The following ZP3 variants were observed in gnomAD, a reference collection of about 807,000 sequenced individuals.
The protein encoded by ZP3 is zona pellucida glycoprotein 3.
ZP3 carries 21 observed loss-of-function variants against 35.6 expected under a neutral mutation model. The ratio of observed to expected loss-of-function variants is 0.59; its 90% CI spans 0.42 to 0.85. The LOEUF (loss-of-function observed/expected upper bound fraction) is 0.85, where lower values mean the gene tolerates loss of function less well. Ranked by LOEUF, ZP3 falls within the 40% of genes least tolerant of loss-of-function variation. The pLI is 0.00. For synonymous variants in ZP3, 207 were observed against 214.5 expected, an observed-to-expected ratio of 0.96 and a Z score of 0.31; for missense variants, 437 against 536.5, an observed-to-expected ratio of 0.81 and a Z score of 1.83.
intron 1 of ZP3, chr7:76,429,097 G>A (rs774629721): frequency 3.2e-5 from 7 of 217,368 alleles, no homozygotes; most frequent in Non-Finnish European, 5.6e-5. Context: ...TGGAGGGGGA[G>A]TGTCAGAAGG....
chr7:76,432,970 C>A lies in ZP3; in HGVS notation c.475C>A (p.Pro159Thr). The stretch of plus-strand genomic sequence containing the variant: ...CCAGGCCATCCTGCCCACCTGGTTG[C>A]CCTTCAGGACCACGGTGTTCTCAGA... ...SSQAILPTWLPFRTTVFSEEK... is the reference protein window; with the variant it reads ...SSQAILPTWLTFRTTVFSEEK... The change falls in exon 3 of 8, where the codon CCC (proline) becomes ACC (threonine). Residue 159 changes from proline to threonine, a missense_variant. By Grantham distance (38) the Pro-to-Thr change is conservative (BLOSUM62 -1). Coordinates refer to ENST00000394857, the MANE Select transcript of ZP3 (RefSeq NM_001110354.2). The A allele has an allele frequency of 6.2e-7, 1 of 1,614,124 alleles. No homozygotes were observed.
intron 1 of ZP3, chr7:76,409,547 T>G: frequency 6.6e-6 from 1 of 152,364 alleles, no homozygotes; most frequent in East Asian, 1.9e-4. Context: ...GTTTCTTCTT[T>G]TCTTTCCACA....
intron 1 of ZP3, among the ~76,000 whole-genome samples, chr7:76,414,463 C>G (rs1000029426): frequency 1.3e-5 from 2 of 152,022 alleles, no homozygotes; most frequent in African/African-American, 4.8e-5. Flanking sequence ...CCTTTGGGAG[C>G]AGCCTGGCAT....
At chr7:76,413,082 C>G (rs894268848) in intron 1 of ZP3, among the ~76,000 whole-genome samples, 5 of 150,748 alleles carry the variant, frequency 3.3e-5, no homozygotes, top group African/African-American at 1.2e-4. Context: ...CCTCCTTCAG[C>G]CTCCCAAGTA....
chr7:76,409,785 A>T (rs1344439020), intron 1 of ZP3: 1 of 40,702 alleles, frequency 2.5e-5, no homozygotes, highest in Non-Finnish European at 5.3e-5. Context: ...CAGCCCCCCC[A>T]CCCCAGGGTT....
intron 1 of ZP3, among the ~76,000 whole-genome samples, chr7:76,408,851 C>G (rs1805132001): frequency 6.6e-6 from 1 of 152,150 alleles, no homozygotes; most frequent in East Asian, 1.9e-4. Flanking sequence ...CCATCTGTTG[C>G]CTACATTTTC....
intron 1 of ZP3, chr7:76,409,588 T>G (rs1354204400): frequency 6.6e-6 from 1 of 152,352 alleles, no homozygotes; most frequent in East Asian, 1.9e-4. Flanking sequence ...AAAGTCCCTG[T>G]CCATGGAGCT....
rs371048345 is a variant in ZP3 at position 76,433,094 on chromosome 7, T to C, written c.535+64T>C. On this transcript the variant is annotated intron_variant, in intron 3 of 7. Coordinates refer to ENST00000394857, the MANE Select transcript of ZP3 (RefSeq NM_001110354.2). ...CCTGGGCCATCTCAGACCCCTGCCC[T>C]TGGCTGTGTCTTTTTTTTGTTTGTT... 1.6e-4 allele frequency: 215 copies of C among 1,323,526 alleles called. No individual in the cohort carries two copies. In the East Asian group the frequency reaches 4.2e-3, roughly 26 times the overall value. The allele number at this position is 1,323,526 out of a possible 1,614,324, so 82.0% of individuals were successfully genotyped here.
chr7:76,413,792 G>A (rs924585770), intron 1 of ZP3, among the ~76,000 whole-genome samples: 1 of 150,736 alleles, frequency 6.6e-6, no homozygotes. Flanking sequence ...TCAGTTCCCC[G>A]AGTAGCTGGG....
At chr7:76,434,904 C>A (rs1388098444) in intron 5 of ZP3, among the ~76,000 whole-genome samples, 1 of 150,896 alleles carries the variant, frequency 6.6e-6, no homozygotes, top group Non-Finnish European at 1.5e-5. Context: ...CCCTTGAGAA[C>A]CTAAACTAGA....
At chr7:76,429,418 T>TC (rs1805764318) in intron 1 of ZP3, 97 bp from the exon 2 acceptor site, 2 of 1,149,884 alleles carry the variant, frequency 1.7e-6, no homozygotes, top group Admixed American at 1.7e-5. Flanking sequence ...GGTCTTTCTG[T>TC]CCCCTTGTGG....
At chr7:76,400,907 C>G in intron 1 of ZP3, 2 of 1,473,914 alleles carry the variant, frequency 1.4e-6, no homozygotes, top group Admixed American at 4.0e-5. Context: ...CATCTAGAGT[C>G]AAGGGGGGCT....
At chr7:76,416,886 A>T (rs1343628679) in intron 1 of ZP3, among the ~76,000 whole-genome samples, 1 of 140,454 alleles carries the variant, frequency 7.1e-6, no homozygotes, top group Non-Finnish European at 1.5e-5. Flanking sequence ...ACACACATAC[A>T]TATATATACA....
chr7:76,435,792 G>A lies in ZP3; in HGVS notation c.831+1637G>A, dbSNP rs530499749. On this transcript the variant is annotated intron_variant, in intron 5 of 7. Coordinates refer to ENST00000394857, the MANE Select transcript of ZP3 (RefSeq NM_001110354.2). ...CACCCAAGCTGGAATGCAATGGTGC[G>A]GTCTTGGCTCACTGCAACCTCTGCC... Among the ~76,000 whole-genome samples, 10 of 150,678 alleles carry A rather than the reference G, an allele frequency of 6.6e-5. No individual in the cohort carries two copies. The East Asian group carries it at 9.8e-4, about 15-fold the overall frequency.
At chr7:76,437,171 C>CCT (rs1309249760) in intron 5 of ZP3, among the ~76,000 whole-genome samples, 50 of 78,704 alleles carry the variant, frequency 6.4e-4, no homozygotes, top group African/African-American at 2.6e-3. Context: ...ACCCTGTGTA[C>CCT]TTTTTTTTTT....
At chr7:76,405,294 TATATATATATATATA>T (rs1563686843) in intron 1 of ZP3, among the ~76,000 whole-genome samples, 2 of 53,108 alleles carry the variant, frequency 3.8e-5, no homozygotes, top group African/African-American at 1.6e-4. Flanking sequence ...TATATATATA[TATATATATATATATA>T]TATATATGTA....
chr7:76,413,137 A>G (rs998821745), intron 1 of ZP3, among the ~76,000 whole-genome samples: 27 of 150,806 alleles, frequency 1.8e-4, no homozygotes, highest in Non-Finnish European at 2.7e-4. Context: ...TAATTGTTCT[A>G]TTTTTAGTAG....
chr7:76,431,108 C>G (rs116474636), intron 2 of ZP3, among the ~76,000 whole-genome samples: 31 of 152,318 alleles, frequency 2.0e-4, no homozygotes, highest in African/African-American at 7.5e-4. Flanking sequence ...TGAGAACCAG[C>G]TGGGAGGCTG....
chr7:76,420,188 CCTT>C (rs1470372876), upstream of ZP3, among the ~76,000 whole-genome samples: 1 of 151,806 alleles, frequency 6.6e-6, no homozygotes, highest in Non-Finnish European at 1.5e-5. Context: ...TCCACCTCCT[CCTT>C]CTTCTTCATA....
Sources: gnomAD v4.1 joint callset for allele counts (sites outside exome capture counted in the v4.1 genomes callset) on GRCh38, gnomAD v4.1.1 for gene constraint, MANE v1.5 for transcripts, NCBI Gene and HGNC (gene_info 2026-07-23, HGNC 2026-07-21) for gene names.